OGG1: variants seen among roughly 807,000 people sequenced by gnomAD.
The protein encoded by OGG1 is N-glycosylase/DNA lyase.
OGG1 carries 35 observed loss-of-function variants against 42.3 expected under a neutral mutation model. The ratio of observed to expected loss-of-function variants is 0.83; its 90% CI spans 0.63 to 1.10. The LOEUF is 1.10. Ranked by LOEUF, OGG1 falls within the 50% of genes least tolerant of loss-of-function variation. The pLI is 0.00. For missense variants in OGG1, 484 were observed against 446.7 expected, an observed-to-expected ratio of 1.08 and a Z score of -0.75; for synonymous variants, 189 against 179.0, an observed-to-expected ratio of 1.06 and a Z score of -0.44.
At position 9,757,305 on chromosome 3, in the gene OGG1, AC is replaced by A. The variant is rs2077623416; in HGVS notation, c.*156del. 2 of 1,614,080 alleles carry A rather than the reference AC, an allele frequency of 1.2e-6. No individual in the cohort carries two copies. Among genetic ancestry groups the A allele is most frequent in the African/African-American group, 2.7e-5 (2 of 74,932 alleles). On this transcript the variant is annotated 3_prime_UTR_variant, in exon 7 of 7. Transcript: ENST00000344629. The surrounding 1 kb of genome is among the most constrained non-coding windows in gnomAD (Gnocchi z 4.5). Reference sequence around the variant, plus strand: ...CCAAATCAAGCAGTCAGTTTGCACAACAAGATGGGGTGGGGGATATTGAGGG... The same window carrying A: ...CCAAATCAAGCAGTCAGTTTGCACAAAAGATGGGGTGGGGGATATTGAGGG...
downstream of OGG1, chr3:9,759,979 A>G: frequency 1.9e-6 from 1 of 538,224 alleles, no homozygotes; most frequent in Non-Finnish European, 3.2e-6. Context: ...ACAGTGGCTC[A>G]TGTCTGTAAT....
intron 4 of OGG1, 134 bp from the exon 5 acceptor site, chr3:9,756,337 T>G: frequency 1.2e-6 from 1 of 847,848 alleles, no homozygotes. Flanking sequence ...TCATAGATAG[T>G]ATCTGTTGAT....
downstream of OGG1, chr3:9,789,677 C>A: frequency 1.2e-6 from 2 of 1,609,120 alleles, no homozygotes; most frequent in Non-Finnish European, 1.7e-6. Context: ...ACCACCAGAA[C>A]CTTGAGGCCC....
chr3:9,779,524 G>A (rs1224901780), intron 2 of OGG1, among the ~76,000 whole-genome samples: 1 of 151,794 alleles, frequency 6.6e-6, no homozygotes, highest in Non-Finnish European at 1.5e-5. Context: ...GGGGAGGGGG[G>A]AGGGAAAGCA....
intron 2 of OGG1, among the ~76,000 whole-genome samples, chr3:9,776,713 G>T (rs1386327639): frequency 2.0e-5 from 3 of 152,090 alleles, no homozygotes; most frequent in South Asian, 4.1e-4. Context: ...TGCTCTTGCG[G>T]CCTAGTGTTT....
downstream of OGG1, chr3:9,759,237 G>C (rs754655317): frequency 6.2e-7 from 1 of 1,614,172 alleles, no homozygotes; most frequent in Non-Finnish European, 8.5e-7. Flanking sequence ...CCCATAGGCT[G>C]GATCAGATGC....
chr3:9,757,237 T>C lies in OGG1; in HGVS notation c.*87T>C. On this transcript the variant is annotated 3_prime_UTR_variant, in exon 7 of 7. Coordinates refer to ENST00000344629, the MANE Select transcript of OGG1 (RefSeq NM_002542.6). The surrounding 1 kb of genome is among the most constrained non-coding windows in gnomAD (Gnocchi z 4.5). Reference sequence around the variant, plus strand: ...TCCCCATCCCCACCCAGTCTCATGTTGGGGAGGGGCCTCCCTGTGACTACC... The same window carrying C: ...TCCCCATCCCCACCCAGTCTCATGTCGGGGAGGGGCCTCCCTGTGACTACC... 6.2e-7 allele frequency: 1 copy of C among 1,613,958 alleles called. No individual in the cohort carries two copies. The highest frequency in any genetic ancestry group is 8.5e-7 in the Non-Finnish European group (1 of 1,179,898).
Position 9,787,064 on chromosome 3 carries a change from G to A in OGG1, c.383-664G>A, listed in dbSNP as rs201486781. 126 of 1,614,082 alleles carry A rather than the reference G, an allele frequency of 7.8e-5. 1 individual carries two copies. Among genetic ancestry groups the A allele is most frequent in the Middle Eastern group, 3.3e-4 (2 of 6,084 alleles). On this transcript the variant is annotated intron_variant, in intron 3 of 3. Coordinates refer to the OGG1 transcript ENST00000426518. ...GGCACCAAAGGGGCATCCATCTTCC[G>A]GCTGTTCATGCTGGGCCTCAGACTT...
chr3:9,774,369 A>G (rs752042581), intron 2 of OGG1, among the ~76,000 whole-genome samples: 8 of 145,860 alleles, frequency 5.5e-5, no homozygotes, highest in Non-Finnish European at 1.2e-4. Context: ...AGATTGCACC[A>G]TTGCACTCCA....
chr3:9,759,363 A>G, downstream of OGG1: 10 of 1,550,568 alleles, frequency 6.4e-6, no homozygotes, highest in Non-Finnish European at 8.9e-6. Flanking sequence ...GAAGTCCTTC[A>G]GTAAGGATCC....
At chr3:9,768,703 A>G (rs1487890718), downstream of OGG1, among the ~76,000 whole-genome samples, 3 of 152,196 alleles carry the variant, frequency 2.0e-5, no homozygotes, top group African/African-American at 4.8e-5. Context: ...CCATCCACAG[A>G]TGAGGCCAAA....
chr3:9,756,843 G>C (rs1044556792), intron 6 of OGG1, 27 bp downstream of exon 6: 4 of 1,613,130 alleles, frequency 2.5e-6, no homozygotes, highest in Non-Finnish European at 3.4e-6. Flanking sequence ...GTCCTCCCTA[G>C]GTTTCCTCTC....
In OGG1 at chr3:9,751,205, C is replaced by T. The variant is rs1206650593; in HGVS notation, c.385+13C>T. 6.2e-6 allele frequency: 10 copies of T among 1,613,250 alleles called. No homozygotes were observed. In the East Asian group the frequency reaches 1.8e-4, roughly 29 times the overall value. ...CAGAAATTCCAAGGTGAGTACAGGA[C>T]CTGGGCTGGGGTTAGGGTTCTTGGA... On this transcript the variant is annotated intron_variant, in intron 2 of 6. Transcript: ENST00000344629.
intron 2 of OGG1, 117 bp downstream of exon 2, chr3:9,751,309 T>C (rs1221554210): frequency 3.9e-6 from 4 of 1,034,444 alleles, no homozygotes; most frequent in Non-Finnish European, 5.9e-6. Context: ...TTTATGAGGA[T>C]TTAAGGAACT....
chr3:9,755,118 T>C (rs550333008), intron 4 of OGG1, among the ~76,000 whole-genome samples: 18 of 152,344 alleles, frequency 1.2e-4, no homozygotes, highest in African/African-American at 4.3e-4. Flanking sequence ...GCAACACATA[T>C]ATGCTGCTAT....
chr3:9,752,594 C>G (rs1049682212), intron 3 of OGG1, among the ~76,000 whole-genome samples: 15 of 148,790 alleles, frequency 1.0e-4, no homozygotes, highest in African/African-American at 3.7e-4. Flanking sequence ...AGTTTTGTAT[C>G]TAAGAACACG....
At chr3:9,751,747 C>T in intron 2 of OGG1, 23 bp from the exon 3 acceptor site, 2 of 1,612,152 alleles carry the variant, frequency 1.2e-6, no homozygotes, top group South Asian at 1.1e-5. Context: ...ACCTCTCCTA[C>T]CCCCTGCATT....
At chr3:9,771,427 C>G (rs913672177), downstream of OGG1, among the ~76,000 whole-genome samples, 48 of 152,180 alleles carry the variant, frequency 3.2e-4, no homozygotes, top group African/African-American at 1.2e-3. Context: ...CTCTCCGAAC[C>G]TCAGTTTCTT....
Position 9,751,789 on chromosome 3 carries a change from AG to A in OGG1, c.406del (p.Asp136ThrfsTer73). The A allele has an allele frequency of 6.2e-7, 1 of 1,614,188 alleles. No individual in the cohort carries two copies. The highest frequency in any genetic ancestry group is 8.5e-7 in the Non-Finnish European group (1 of 1,180,040). On this transcript the variant is annotated frameshift_variant, in exon 3 of 7. Coordinates refer to ENST00000344629, the MANE Select transcript of OGG1 (RefSeq NM_002542.6). LOFTEE classifies it high-confidence loss of function. ...CTCCAGGTGTGCGACTGCTGCGACAAGACCCCATCGAATGCCTTTTCTCTTT... is the reference window on the plus strand; with the variant it reads ...CTCCAGGTGTGCGACTGCTGCGACAAACCCCATCGAATGCCTTTTCTCTTT... ...KFQGVRLLRQ[D>X]PIECLFSFIC... is the part of the protein sequence containing the mutation.
Sources: allele counts gnomAD v4.1 joint callset (sites outside exome capture counted in the v4.1 genomes callset), GRCh38; gene constraint gnomAD v4.1.1; non-coding constraint Gnocchi (gnomAD v3.1); transcripts MANE v1.5; gene names NCBI Gene and HGNC (gene_info 2026-07-23, HGNC 2026-07-21).